Variants in C12orf43 observed in about 807,000 individuals in gnomAD.
C12orf43 encodes the protein chromosome 12 open reading frame 43.
In C12orf43, 15 loss-of-function variants were observed where a neutral mutation model predicts 20.6. The ratio of observed to expected loss-of-function variants is 0.73; its 90% CI spans 0.49 to 1.12. C12orf43 has a LOEUF of 1.12. Ranked by LOEUF, C12orf43 falls within the 50% of genes most tolerant of loss-of-function variation. The pLI, the probability that C12orf43 is intolerant of heterozygous loss-of-function variation, is 0.00. For missense variants in C12orf43, 334 were observed against 344.4 expected (o/e 0.97, Z 0.24); for synonymous variants, 144 against 130.8 (o/e 1.10, Z -0.69).
At chr12:121,014,517 C>G (rs1868703277) in intron 1 of C12orf43, among the ~76,000 whole-genome samples, 1 of 151,416 alleles carries the variant, frequency 6.6e-6, no homozygotes, top group Admixed American at 6.6e-5. Flanking sequence ...GTAATCCCAG[C>G]TACTAGGGAG....
chr12:121,011,571 T>C (rs1006610517), intron 1 of C12orf43, among the ~76,000 whole-genome samples: 6 of 152,034 alleles, frequency 3.9e-5, no homozygotes, highest in African/African-American at 1.2e-4. Flanking sequence ...AACAACCCGA[T>C]TGGAGGGATT....
rs777208074 is a variant in C12orf43, at chr12:121,004,095, A to G, written c.*58T>C. On this transcript the variant is annotated 3_prime_UTR_variant, in exon 6 of 6. Coordinates refer to ENST00000288757, the MANE Select transcript of C12orf43 (RefSeq NM_022895.3). The surrounding 1 kb of genome is among the most constrained non-coding windows in gnomAD (Gnocchi z 5.6). Reference sequence around the variant, plus strand: ...TGGGGCTTGGAAATGCCTTGTCCCCAGGGTGGGGGGGACACCTTGTCCTTG... The same window carrying G: ...TGGGGCTTGGAAATGCCTTGTCCCCGGGGTGGGGGGGACACCTTGTCCTTG... 4.5e-6 allele frequency: 7 copies of G among 1,560,654 alleles called. No homozygotes were observed. The Admixed American group carries it at 1.2e-4, about 26-fold the overall frequency.
chr12:121,012,376 G>A, intron 1 of C12orf43: 1 of 702,306 alleles, frequency 1.4e-6, no homozygotes, highest in East Asian at 2.7e-5. Flanking sequence ...GGGAGGACCT[G>A]GACTTTGAGG....
In C12orf43 at chr12:121,001,308, C is replaced by T; in HGVS notation, c.*2845G>A. On this transcript the variant is annotated 3_prime_UTR_variant, in exon 6 of 6. Coordinates refer to ENST00000288757, the MANE Select transcript of C12orf43 (RefSeq NM_022895.3). ...AGCAACCGTGGCCCTTCCTGGACAG[C>T]TGTGCCTCGCTCCCCACTCTGCTCT... 1 of 1,253,084 alleles carries T rather than the reference C, an allele frequency of 8.0e-7. No homozygotes were observed. The highest frequency in any genetic ancestry group is 1.1e-6 in the Non-Finnish European group (1 of 889,092). 77.6% of individuals were successfully genotyped at this position (1,253,084 alleles called of 1,614,324 possible).
At chr12:121,012,164 G>A (rs999239841) in intron 1 of C12orf43, among the ~76,000 whole-genome samples, 11 of 152,252 alleles carry the variant, frequency 7.2e-5, no homozygotes, top group Admixed American at 2.6e-4. Flanking sequence ...GAGAGGAGAG[G>A]GAGTGAACCA....
chr12:121,009,412 C>T (rs1014420784), intron 3 of C12orf43, among the ~76,000 whole-genome samples: 14 of 152,264 alleles, frequency 9.2e-5, no homozygotes, highest in Middle Eastern at 3.4e-3. Flanking sequence ...GCCGAGATCA[C>T]GCCACTGTGC....
In C12orf43 at chr12:121,001,083, T is replaced by G; in HGVS notation, c.*3070A>C. ...TCTGCAGTGTCCTCCAGCAGCCTGG[T>G]GCTGTACCAGAGCTCAGACTCCAGC... On this transcript the variant is annotated 3_prime_UTR_variant, in exon 6 of 6. Transcript: ENST00000288757. The G allele has an allele frequency of 6.2e-7, 1 of 1,613,628 alleles. No individual in the cohort carries two copies. The highest frequency in any genetic ancestry group is 2.2e-5 in the East Asian group (1 of 44,878).
intron 1 of C12orf43, 171 bp downstream of exon 1, chr12:121,016,159 C>T: frequency 1.0e-6 from 1 of 988,798 alleles, no homozygotes; most frequent in Middle Eastern, 3.1e-4. Context: ...TAATGAAATA[C>T]CCTCCCTACT....
At chr12:121,012,708 T>A in intron 1 of C12orf43, 1 of 404,710 alleles carries the variant, frequency 2.5e-6, no homozygotes, top group Non-Finnish European at 4.7e-6. Flanking sequence ...AAAAATTAGC[T>A]GGGTGTGGTG....
chr12:121,012,849 T>TAA (rs10636003), intron 1 of C12orf43, among the ~76,000 whole-genome samples: 3,464 of 91,448 alleles, frequency 0.038, 222 homozygotes, highest in East Asian at 0.16. Context: ...AGACTCCGTC[T>TAA]AAAAAAAAAA....
rs561495400 is a variant in C12orf43, at chr12:121,004,554, G to C, written c.453-65C>G. The C allele has an allele frequency of 6.8e-7, 1 of 1,468,330 alleles. No homozygotes were observed. The highest frequency in any genetic ancestry group is 9.1e-7 in the Non-Finnish European group (1 of 1,096,174). 91.0% of individuals were successfully genotyped at this position (1,468,330 alleles called of 1,614,324 possible). On this transcript the variant is annotated intron_variant, in intron 5 of 5. Coordinates refer to ENST00000288757, the MANE Select transcript of C12orf43 (RefSeq NM_022895.3). The surrounding 1 kb of genome is among the most constrained non-coding windows in gnomAD (Gnocchi z 5.6). ...GGACACAGCCCCAGAGCTGCCTCTC[G>C]CTGTCCTCCCTTGGTCCAGGTCACC...
Position 121,002,657 on chromosome 12 carries a change from C to T in C12orf43, c.*1496G>A. 2.9e-6 allele frequency: 1 copy of T among 348,354 alleles called. No individual in the cohort carries two copies. The highest frequency in any genetic ancestry group is 5.6e-6 in the Non-Finnish European group (1 of 177,710). 21.6% of individuals were successfully genotyped at this position (348,354 alleles called of 1,614,324 possible). A position where few individuals can be genotyped will look rare whatever the true frequency, so the allele number is the denominator to read the frequency against. Reference sequence around the variant, plus strand: ...CTCTGCTTTTCTTGCTCTGCTGAGACTCTAATGACAAAGCCAGATTTCATC... The same window carrying T: ...CTCTGCTTTTCTTGCTCTGCTGAGATTCTAATGACAAAGCCAGATTTCATC... On this transcript the variant is annotated 3_prime_UTR_variant, in exon 6 of 6. Coordinates refer to ENST00000288757, the MANE Select transcript of C12orf43 (RefSeq NM_022895.3).
At chr12:121,009,078 C>CT (rs1236169758) in intron 3 of C12orf43, among the ~76,000 whole-genome samples, 3 of 152,140 alleles carry the variant, frequency 2.0e-5, no homozygotes, top group Non-Finnish European at 2.9e-5. Flanking sequence ...GTTGGACCTC[C>CT]TTTTTTCTAA....
chr12:121,005,003 C>A lies in C12orf43; in HGVS notation c.452G>T (p.Ser151Ile). Reference protein sequence around the residue: ...PRRKRQPSSSSEDSDEEWRRC... With the variant: ...PRRKRQPSSSIEDSDEEWRRC... Reference sequence around the variant, plus strand: ...CGTGAGGAGAGGTGTGAGTTCTCACCTGGAGCTGGAGGGCTGTCGCTTTCG... The same window carrying A: ...CGTGAGGAGAGGTGTGAGTTCTCACATGGAGCTGGAGGGCTGTCGCTTTCG... Residue 151 changes from serine to isoleucine, a missense_variant and splice_region_variant, in exon 5 of 6, where the codon AGT becomes ATT. By Grantham distance (142) the Ser-to-Ile change is moderately radical. Transcript: ENST00000288757. The surrounding 1 kb of genome is among the most constrained non-coding windows in gnomAD (Gnocchi z 5.6). The A allele has an allele frequency of 6.5e-7, 1 of 1,536,136 alleles. No homozygotes were observed. The highest frequency in any genetic ancestry group is 1.3e-5 in the South Asian group (1 of 79,914).
At position 121,011,113 on chromosome 12, in the gene C12orf43, G is replaced by C. The variant is rs528006588; in HGVS notation, c.179C>G (p.Pro60Arg). The change falls in exon 2 of 6, where the codon CCG (proline) becomes CGG (arginine). Residue 60 changes from proline (P) to arginine (R), a missense_variant. Coordinates refer to ENST00000288757, the MANE Select transcript of C12orf43 (RefSeq NM_022895.3). The stretch of plus-strand genomic sequence containing the variant: ...CCAAAGTGCATAGTACCTGAGGCTC[G>C]GTTGGGAGGTTGACAACTGGCTATT... ...AANSQLSTSQ[P>R]SLRHKVNEHE... 9.9e-6 allele frequency: 16 copies of C among 1,613,858 alleles called. No homozygotes were observed. Among genetic ancestry groups the C allele is most frequent in the Non-Finnish European group, 1.3e-5 (15 of 1,179,946 alleles).
rs1237061597 is a variant in C12orf43, at chr12:121,002,502, T to C, written c.*1651A>G. On this transcript the variant is annotated 3_prime_UTR_variant, in exon 6 of 6. Transcript: ENST00000288757. ...AACTTTTAGTAAAGTCAAGGAGAAA[T>C]GCGGTGGAAACTTCTTGCTTGTCCA... 3.9e-6 allele frequency: 2 copies of C among 510,598 alleles called. No homozygotes were observed. The highest frequency in any genetic ancestry group is 4.4e-5 in the East Asian group (1 of 22,938). The allele number at this position is 510,598 out of a possible 1,614,324, so 31.6% of individuals were successfully genotyped here.
In C12orf43 at chr12:121,002,139, C is replaced by G. The variant is rs567256607; in HGVS notation, c.*2014G>C. 128 of 517,682 alleles carry G rather than the reference C, an allele frequency of 2.5e-4. No individual in the cohort carries two copies. The highest frequency in any genetic ancestry group is 2.3e-3 in the Admixed American group (96 of 41,386). 32.1% of individuals were successfully genotyped at this position (517,682 alleles called of 1,614,324 possible). ...GCAAGGCCCGAGCAGCTGAGCAGGG[C>G]CGGGGAACTGGCCAAGCTGAGGTGC... On this transcript the variant is annotated 3_prime_UTR_variant, in exon 6 of 6. Transcript: ENST00000288757.
intron 3 of C12orf43, among the ~76,000 whole-genome samples, chr12:121,010,215 A>C (rs1427586817): frequency 6.6e-6 from 1 of 152,264 alleles, no homozygotes; most frequent in African/African-American, 2.4e-5. Flanking sequence ...AGGCATGAGA[A>C]TCGCTTGAAT....
Position 121,006,351 on chromosome 12 carries a change from T to C in C12orf43, c.331A>G (p.Lys111Glu). ...SEAAKEPAKA[K>E]VQKVALEDDG... ...TCCTCCAAAGCGACTTTCTGTACCT[T>C]AGCTTTTGCTGGCTCCTTTGCTGCT... The change falls in exon 4 of 6, where the codon AAG (lysine) becomes GAG (glutamate). Residue 111 changes from lysine (K) to glutamate (E), a missense_variant. By Grantham distance (56) the Lys-to-Glu change is moderately conservative. Transcript: ENST00000288757. 1 of 1,614,178 alleles carries C rather than the reference T, an allele frequency of 6.2e-7. No individual in the cohort carries two copies. The highest frequency in any genetic ancestry group is 1.1e-5 in the South Asian group (1 of 91,080).
Sources: gnomAD v4.1 joint callset for allele counts (sites outside exome capture counted in the v4.1 genomes callset) on GRCh38, gnomAD v4.1.1 for gene constraint, Gnocchi (gnomAD v3.1) non-coding constraint, MANE v1.5 for transcripts, NCBI Gene and HGNC (gene_info 2026-07-23, HGNC 2026-07-21) for gene names.